Variants in CACNG7 observed in about 807,000 individuals in gnomAD.
The protein encoded by CACNG7 is voltage-dependent calcium channel gamma-7 subunit.
A neutral mutation model predicts 26.3 loss-of-function variants in CACNG7; 9 were observed. The ratio of observed to expected loss-of-function variants is 0.34; its 90% CI spans 0.21 to 0.60. CACNG7 has a LOEUF of 0.60. Among genes scored for constraint, CACNG7 ranks in the 20% least tolerant of loss-of-function variants. The pLI is 0.81. For synonymous variants in CACNG7, 170 were observed against 157.0 expected (o/e 1.08, Z -0.62); for missense variants, 297 against 380.4 (o/e 0.78, Z 1.82).
At chr19:53,913,159 T>C in intron 2 of CACNG7, 132 bp downstream of exon 2, 1 of 796,668 alleles carries the variant, frequency 1.3e-6, no homozygotes, top group Non-Finnish European at 1.9e-6. Context: ...AAGTTCAAAT[T>C]TCTACGTGGA....
chr19:53,921,673 G>T (rs1424469353), intron 4 of CACNG7, among the ~76,000 whole-genome samples: 1 of 110,312 alleles, frequency 9.1e-6, no homozygotes, highest in East Asian at 2.3e-4. Flanking sequence ...CCCAGGTCTG[G>T]TCATTGGTGG....
At chr19:53,922,625 G>C (rs1599979625) in intron 4 of CACNG7, among the ~76,000 whole-genome samples, 1 of 82,870 alleles carries the variant, frequency 1.2e-5, no homozygotes, top group Non-Finnish European at 2.1e-5. Context: ...CCTGGTCATT[G>C]GTGCAGTTGT....
intron 4 of CACNG7, among the ~76,000 whole-genome samples, chr19:53,937,597 C>A (rs1429685988): frequency 6.8e-6 from 1 of 146,530 alleles, no homozygotes; most frequent in African/African-American, 2.5e-5. Flanking sequence ...CCCTCCCCTC[C>A]CCTCCCCTCC....
At chr19:53,925,718 C>G (rs1246838079) in intron 4 of CACNG7, among the ~76,000 whole-genome samples, 1 of 152,226 alleles carries the variant, frequency 6.6e-6, no homozygotes, top group Non-Finnish European at 1.5e-5. Flanking sequence ...TCACAGGGAC[C>G]TCTGCTGGGG....
intron 1 of CACNG7, among the ~76,000 whole-genome samples, chr19:53,910,338 G>A (rs1285017404): frequency 2.7e-5 from 4 of 149,436 alleles, no homozygotes; most frequent in Non-Finnish European, 5.9e-5. Context: ...CCCTGACTCC[G>A]GATCTCGGAG....
At chr19:53,914,647 C>T (rs2145897829) in intron 3 of CACNG7, 61 bp downstream of exon 3, 1 of 1,467,640 alleles carries the variant, frequency 6.8e-7, no homozygotes, top group South Asian at 1.1e-5. Context: ...GTCGTGGAGT[C>T]CTGGGAGGGG....
chr19:53,933,331 C>T (rs901021058), intron 4 of CACNG7, among the ~76,000 whole-genome samples: 4 of 138,702 alleles, frequency 2.9e-5, no homozygotes, highest in Admixed American at 7.5e-5. Flanking sequence ...GATGGACTCT[C>T]GCTCTGTCAC....
At position 53,916,859 on chromosome 19, in the gene CACNG7, G is replaced by A. The variant is rs111775981; in HGVS notation, c.424+1354G>A. 1.3e-4 allele frequency among the ~76,000 whole-genome samples: 19 copies of A among 143,704 alleles called. 1 individual carries two copies. Among genetic ancestry groups the A allele is most frequent in the African/African-American group, 4.7e-4 (18 of 38,392 alleles). 94.3% of individuals were successfully genotyped at this position (143,704 alleles called of 152,430 possible). A position where few individuals can be genotyped will look rare whatever the true frequency, so the allele number is the denominator to read the frequency against. On this transcript the variant is annotated intron_variant, in intron 4 of 5. Transcript: ENST00000391767. Reference sequence around the variant, plus strand: ...GTTGCCCAGGCTGGAGCCCACTGGCGTGATCTCGGCCCATTGCAACCTCTG... The same window carrying A: ...GTTGCCCAGGCTGGAGCCCACTGGCATGATCTCGGCCCATTGCAACCTCTG...
intron 4 of CACNG7, 121 bp downstream of exon 4, chr19:53,915,626 G>T (rs894034033): frequency 1.1e-5 from 12 of 1,123,926 alleles, no homozygotes; most frequent in Non-Finnish European, 1.4e-5. Flanking sequence ...CCCTCTCTGA[G>T]CCCCACTTTC....
chr19:53,937,318 G>A (rs1035423979), intron 4 of CACNG7, among the ~76,000 whole-genome samples: 3 of 152,266 alleles, frequency 2.0e-5, no homozygotes, highest in East Asian at 1.9e-4. Context: ...GGACAGATCC[G>A]TGTGTGATTT....
intron 4 of CACNG7, among the ~76,000 whole-genome samples, chr19:53,934,595 A>C (rs907311897): frequency 2.0e-5 from 3 of 151,576 alleles, no homozygotes; most frequent in African/African-American, 7.3e-5. Context: ...GTCAACATTG[A>C]GACCCTGTCT....
intron 1 of CACNG7, among the ~76,000 whole-genome samples, chr19:53,911,358 A>C (rs1010683064): frequency 2.0e-5 from 3 of 151,908 alleles, no homozygotes; most frequent in African/African-American, 7.3e-5. Flanking sequence ...GAGCCACCTC[A>C]CCCAGTCTCA....
intron 4 of CACNG7, among the ~76,000 whole-genome samples, chr19:53,938,952 A>AAATTCCTGTCTT (rs2069121532): frequency 2.5e-4 from 1 of 3,922 alleles, no homozygotes; most frequent in Non-Finnish European, 4.4e-4. Flanking sequence ...TGTCTTCAAA[A>AAATTCCTGTCTT]CAAAACAAAA....
intron 4 of CACNG7, among the ~76,000 whole-genome samples, chr19:53,930,513 C>T (rs1408708369): frequency 2.0e-5 from 3 of 152,126 alleles, no homozygotes; most frequent in Non-Finnish European, 2.9e-5. Flanking sequence ...GCTGGGATTG[C>T]AGGTGCCTGC....
Position 53,940,825 on chromosome 19 carries a change from T to G in CACNG7, c.425-645T>G, listed in dbSNP as rs1297141807. On this transcript the variant is annotated intron_variant, in intron 4 of 5. Coordinates refer to ENST00000391767, the MANE Select transcript of CACNG7 (RefSeq NM_031896.5). The surrounding 1 kb of genome is among the most constrained non-coding windows in gnomAD (Gnocchi z 4.1). ...ATCTTAGCATTTGGGGAGGCCGAGG[T>G]GGGTGGATCACCTGAGGTCAGGAGT... Among the ~76,000 whole-genome samples, 7 of 151,724 alleles carry G rather than the reference T, an allele frequency of 4.6e-5. No individual in the cohort carries two copies. The highest frequency in any genetic ancestry group is 8.8e-5 in the Non-Finnish European group (6 of 67,944).
intron 4 of CACNG7, among the ~76,000 whole-genome samples, chr19:53,932,884 T>C (rs1383298661): frequency 6.7e-6 from 1 of 149,772 alleles, no homozygotes; most frequent in East Asian, 2.0e-4. Flanking sequence ...GTCCAGGCAC[T>C]GCAACCTCCG....
chr19:53,913,800 A>G (rs1015017223), intron 2 of CACNG7, among the ~76,000 whole-genome samples: 18 of 150,750 alleles, frequency 1.2e-4, no homozygotes, highest in South Asian at 2.1e-4. Context: ...AAAAAAAAAA[A>G]AAAAAAAAGA....
At chr19:53,919,546 T>C (rs1472185364) in intron 4 of CACNG7, among the ~76,000 whole-genome samples, 2 of 137,864 alleles carry the variant, frequency 1.5e-5, no homozygotes, top group Admixed American at 7.3e-5. Flanking sequence ...GGTCTGGTCA[T>C]TGGTGGAGTT....
At chr19:53,923,252 G>T (rs1251520711) in intron 4 of CACNG7, among the ~76,000 whole-genome samples, 1 of 71,772 alleles carries the variant, frequency 1.4e-5, no homozygotes, top group Non-Finnish European at 2.6e-5. Flanking sequence ...TGGTGGAGTT[G>T]TCCCAGGTCT....
Sources: allele counts gnomAD v4.1 joint callset (sites outside exome capture counted in the v4.1 genomes callset), GRCh38; gene constraint gnomAD v4.1.1; non-coding constraint Gnocchi (gnomAD v3.1); transcripts MANE v1.5; gene names NCBI Gene and HGNC (gene_info 2026-07-23, HGNC 2026-07-21).